The following SOX5 variants were observed in gnomAD, a reference collection of about 807,000 sequenced individuals.
SOX5 encodes the protein transcription factor SOX-5.
In SOX5, 9 loss-of-function variants were observed where a neutral mutation model predicts 92.0. That is an observed-to-expected ratio of 0.10 (90% CI 0.06 to 0.17). The LOEUF (loss-of-function observed/expected upper bound fraction) is 0.17, where lower values mean the gene tolerates loss of function less well. Among genes scored for constraint, SOX5 ranks in the 10% least tolerant of loss-of-function variants. The pLI is 1.00. For synonymous variants in SOX5, 344 were observed against 336.3 expected, an observed-to-expected ratio of 1.02 and a Z score of -0.25; for missense variants, 642 against 944.5, an observed-to-expected ratio of 0.68 and a Z score of 4.20.
chr12:24,438,308 C>A (rs867580023), intron 1 of SOX5, among the ~76,000 whole-genome samples: 1 of 151,998 alleles, frequency 6.6e-6, no homozygotes, highest in South Asian at 2.1e-4. Flanking sequence ...GGAGGGATAG[C>A]GTTAGGAGAA....
chr12:24,366,380 A>G, intron 2 of SOX5, among the ~76,000 whole-genome samples: 1 of 152,156 alleles, frequency 6.6e-6, no homozygotes, highest in Non-Finnish European at 1.5e-5. Flanking sequence ...ATGAATTAGG[A>G]CAAAGACACT....
chr12:23,743,537 C>T (rs1382666655), intron 4 of SOX5, among the ~76,000 whole-genome samples: 1 of 152,062 alleles, frequency 6.6e-6, no homozygotes, highest in African/African-American at 2.4e-5. Flanking sequence ...GTCTCGAACT[C>T]CTGTCCTCGT....
chr12:24,321,965 C>G (rs1210823641), intron 2 of SOX5, among the ~76,000 whole-genome samples: 1 of 152,030 alleles, frequency 6.6e-6, no homozygotes, highest in East Asian at 1.9e-4. Context: ...GACTACAGGA[C>G]CTTTATTTTC....
chr12:24,322,758 T>C (rs1275259539), intron 2 of SOX5, among the ~76,000 whole-genome samples: 1 of 152,168 alleles, frequency 6.6e-6, no homozygotes, highest in Non-Finnish European at 1.5e-5. Context: ...AGTCAACCTT[T>C]AGCTTGAGGA....
At chr12:24,537,717 C>A (rs565381187) in intron 1 of SOX5, among the ~76,000 whole-genome samples, 1 of 152,352 alleles carries the variant, frequency 6.6e-6, no homozygotes, top group Admixed American at 6.5e-5. Context: ...TTCAAATACT[C>A]AACGCCATTT....
rs575451963 is a variant in SOX5, at chr12:24,548,933, A to G, written c.-251+13396T>C. 2.0e-5 allele frequency among the ~76,000 whole-genome samples: 3 copies of G among 152,328 alleles called. No homozygotes were observed. The East Asian group carries it at 5.8e-4, about 29-fold the overall frequency. On this transcript the variant is annotated intron_variant, in intron 1 of 4. Transcript: ENST00000446891. ...GACTCAACTCTGTAACATAGCTGAA[A>G]AAGCTTAATGATCTGATCCCAATCT...
intron 2 of SOX5, among the ~76,000 whole-genome samples, chr12:23,869,335 TC>T (rs2096848616): frequency 6.6e-6 from 1 of 152,170 alleles, no homozygotes; most frequent in African/African-American, 2.4e-5. Flanking sequence ...GAATATCTGT[TC>T]CTTATTATAA....
chr12:24,277,070 A>G (rs934950102), intron 3 of SOX5: 15 of 152,234 alleles, frequency 9.9e-5, no homozygotes, highest in Middle Eastern at 3.4e-3. Context: ...AATATAAAAG[A>G]CTATGTACTA....
intron 4 of SOX5, among the ~76,000 whole-genome samples, chr12:23,983,656 C>A (rs1592064130): frequency 1.3e-5 from 2 of 152,078 alleles, no homozygotes; most frequent in African/African-American, 4.8e-5. Context: ...CTTATTCATT[C>A]AGAATTATAC....
intron 2 of SOX5, among the ~76,000 whole-genome samples, chr12:24,327,688 A>G (rs550300842): frequency 5.3e-5 from 8 of 151,920 alleles, no homozygotes; most frequent in African/African-American, 1.9e-4. Flanking sequence ...GGTTCACGCT[A>G]TTCTCCTGCC....
intron 2 of SOX5, among the ~76,000 whole-genome samples, chr12:24,334,135 A>G (rs1951637751): frequency 6.6e-6 from 1 of 151,842 alleles, no homozygotes; most frequent in Non-Finnish European, 1.5e-5. Flanking sequence ...GAGTAATTGT[A>G]AAACAAAAAA....
intron 2 of SOX5, among the ~76,000 whole-genome samples, chr12:23,891,675 G>C (rs999886114): frequency 5.3e-5 from 8 of 151,706 alleles, no homozygotes; most frequent in Middle Eastern, 3.4e-3. Flanking sequence ...CAAAGATATG[G>C]AATAGAAAAA....
chr12:23,853,610 A>C (rs1369790296), intron 2 of SOX5, among the ~76,000 whole-genome samples: 1 of 149,872 alleles, frequency 6.7e-6, no homozygotes, highest in African/African-American at 2.5e-5. Flanking sequence ...TCAGAATCAC[A>C]CTTGCTAATA....
chr12:23,669,653 AAAAG>A (rs991514345), intron 6 of SOX5, among the ~76,000 whole-genome samples: 2 of 152,044 alleles, frequency 1.3e-5, no homozygotes, highest in African/African-American at 4.8e-5. Flanking sequence ...GGAGAAAAAA[AAAAG>A]AAAAGAAATA....
intron 7 of SOX5, among the ~76,000 whole-genome samples, chr12:23,660,844 TTTA>T (rs2082943872): frequency 6.6e-6 from 1 of 152,176 alleles, no homozygotes; most frequent in Non-Finnish European, 1.5e-5. Context: ...ACTGCTCAAT[TTTA>T]TTTAGTAAAG....
At chr12:24,232,244 C>T (rs987645011) in intron 3 of SOX5, among the ~76,000 whole-genome samples, 6 of 152,156 alleles carry the variant, frequency 3.9e-5, no homozygotes, top group African/African-American at 1.4e-4. Context: ...ATTCTATTCA[C>T]ACAATATTCT....
intron 10 of SOX5, among the ~76,000 whole-genome samples, chr12:23,572,670 C>T (rs1023728090): frequency 6.6e-6 from 1 of 152,164 alleles, no homozygotes; most frequent in African/African-American, 2.4e-5. Flanking sequence ...TGTACTAACA[C>T]TATGACATTT....
At chr12:24,126,978 C>G (rs1949165820) in intron 4 of SOX5, among the ~76,000 whole-genome samples, 1 of 152,138 alleles carries the variant, frequency 6.6e-6, no homozygotes, top group African/African-American at 2.4e-5. Context: ...CTCAAATGAA[C>G]AGTTTTATGG....
intron 9 of SOX5, among the ~76,000 whole-genome samples, chr12:23,587,326 A>T (rs1222414037): frequency 6.6e-6 from 1 of 152,102 alleles, no homozygotes; most frequent in Non-Finnish European, 1.5e-5. Flanking sequence ...AAAGAGAAGG[A>T]GGTTGAAGAT....
Sources: gnomAD v4.1 joint callset for allele counts (sites outside exome capture counted in the v4.1 genomes callset) on GRCh38, gnomAD v4.1.1 for gene constraint, MANE v1.5 for transcripts, NCBI Gene and HGNC (gene_info 2026-07-23, HGNC 2026-07-21) for gene names.